ANKRD35: variants seen among roughly 807,000 people sequenced by gnomAD.
ANKRD35 encodes the protein ankyrin repeat domain-containing protein 35.
Under a neutral mutation model 109.9 loss-of-function variants are expected in ANKRD35, and 102 were observed. The ratio of observed to expected loss-of-function variants is 0.93; its 90% confidence interval spans 0.79 to 1.09. The LOEUF is 1.09. ANKRD35 is among the 50% of genes least tolerant of loss of function. The pLI is 0.00. For synonymous variants in ANKRD35, 515 were observed against 512.4 expected (o/e 1.01, Z -0.07); for missense variants, 1,240 against 1,230.1 (o/e 1.01, Z -0.12).
At position 145,881,690 on chromosome 1, in the gene ANKRD35, G is replaced by A. The variant is rs922925653; in HGVS notation, c.40-2302C>T. ...CTTGACTCTAACACTGTCTGCCTCT[G>A]TGAATTTAGGCATGTAACAACATCT... On this transcript the variant is annotated intron_variant, in intron 1 of 13. Coordinates refer to ENST00000355594, the MANE Select transcript of ANKRD35 (RefSeq NM_144698.5). Among the ~76,000 whole-genome samples the A allele has an allele frequency of 3.9e-5, 6 of 152,266 alleles. No homozygotes were observed. In the East Asian group the frequency reaches 9.7e-4, roughly 24 times the overall value.
chr1:145,876,743 T>C, intron 5 of ANKRD35, 73 bp downstream of exon 5: 2 of 1,611,032 alleles, frequency 1.2e-6, no homozygotes, highest in Non-Finnish European at 1.7e-6. Context: ...CTGGCTGCCC[T>C]TCCCTCCTCA....
intron 10 of ANKRD35, among the ~76,000 whole-genome samples, chr1:145,870,616 T>C (rs1553738426): frequency 6.6e-6 from 1 of 152,222 alleles, no homozygotes; most frequent in East Asian, 1.9e-4. Flanking sequence ...AAAAATACTT[T>C]CTTTAATTAA....
intron 12 of ANKRD35, among the ~76,000 whole-genome samples, chr1:145,867,734 G>A (rs587594889): frequency 6.6e-5 from 10 of 152,226 alleles, no homozygotes; most frequent in African/African-American, 1.4e-4. Context: ...AGGAGACTGA[G>A]AAAGGGTATT....
chr1:145,884,092 G>A (rs1429309972), intron 1 of ANKRD35, among the ~76,000 whole-genome samples: 1 of 152,170 alleles, frequency 6.6e-6, no homozygotes, highest in Admixed American at 6.5e-5. Flanking sequence ...CCCAAGGATT[G>A]GGGGATCAGA....
chr1:145,875,104 G>T, intron 7 of ANKRD35, 98 bp from the exon 8 acceptor site: 1 of 1,263,740 alleles, frequency 7.9e-7, no homozygotes, highest in Non-Finnish European at 1.1e-6. Flanking sequence ...TCATTCAGTG[G>T]GGTCAGGAGA....
chr1:145,872,045 C>G lies in ANKRD35; in HGVS notation c.2724G>C (p.Thr908=), dbSNP rs139657330. Residue 908 remains threonine (T), a synonymous_variant, in exon 10 of 14, where the codon ACG becomes ACC. Coordinates refer to ENST00000355594, the MANE Select transcript of ANKRD35 (RefSeq NM_144698.5). ...CCATCTTCTCTTTCAGCAGCTCTGC[C>G]GTTTTCTCAAACTGCTCGGAGCGCC... The part of the protein sequence containing the change: ...MRGRSEQFEK[T]AELLKEKMEH... The G allele has an allele frequency of 1.3e-5, 21 of 1,613,550 alleles. No individual in the cohort carries two copies. The Admixed American group carries it at 2.0e-4, about 15-fold the overall frequency.
In ANKRD35 at chr1:145,877,967, C is replaced by T; in HGVS notation, c.324+1G>A. The T allele has an allele frequency of 1.2e-6, 2 of 1,613,922 alleles. No individual in the cohort carries two copies. The highest frequency in any genetic ancestry group is 4.5e-5 in the East Asian group (2 of 44,876). ...GAGTGGTATCAAGGGACTGCTCTTA[C>T]CTGAAGCAGAACCTTAACACACTGT... On this transcript the variant is annotated splice_donor_variant, in intron 4 of 13. Coordinates refer to ENST00000355594, the MANE Select transcript of ANKRD35 (RefSeq NM_144698.5). LOFTEE classifies it high-confidence loss of function.
At chr1:145,868,477 T>C (rs919524115) in intron 10 of ANKRD35, 77 bp from the exon 11 acceptor site, 67 of 1,262,884 alleles carry the variant, frequency 5.3e-5, no homozygotes, top group Admixed American at 1.3e-4. Flanking sequence ...AGCTTCCTTT[T>C]ACTGAGTATT....
Position 145,868,039 on chromosome 1 carries a change from A to G in ANKRD35, c.2895T>C (p.His965=), listed in dbSNP as rs1653670187. The G allele has an allele frequency of 6.2e-7, 1 of 1,614,002 alleles. No homozygotes were observed. The highest frequency in any genetic ancestry group is 1.3e-5 in the African/African-American group (1 of 74,904). The change falls in exon 12 of 14, where the codon CAT becomes CAC. Residue 965 remains histidine, a synonymous_variant. Coordinates refer to ENST00000355594, the MANE Select transcript of ANKRD35 (RefSeq NM_144698.5). ...TCCTGTAGGTGGAGATGATCTCTTC[A>G]TGGTTCTTCTGGGAATCCTGGGAAT... The part of the protein sequence containing the change: ...ALQLQDSQKN[H]EEIISTYRNH...
chr1:145,883,623 C>T (rs1380789674), intron 1 of ANKRD35, among the ~76,000 whole-genome samples: 1 of 152,158 alleles, frequency 6.6e-6, no homozygotes, highest in Non-Finnish European at 1.5e-5. Flanking sequence ...GGGCTCTGGC[C>T]CTGGACCCAA....
chr1:145,871,639 T>TA (rs781107099), intron 10 of ANKRD35, among the ~76,000 whole-genome samples: 2 of 152,182 alleles, frequency 1.3e-5, no homozygotes, highest in Admixed American at 6.5e-5. Context: ...ATCATGCTAT[T>TA]AGGCCTCTTC....
In ANKRD35 at chr1:145,876,265, G is replaced by A. The variant is rs1654069648; in HGVS notation, c.454-19C>T. On this transcript the variant is annotated intron_variant, in intron 6 of 13. Coordinates refer to ENST00000355594, the MANE Select transcript of ANKRD35 (RefSeq NM_144698.5). Reference sequence around the variant, plus strand: ...GTCCATCCTGCACAGATTGTAGGAAGAGGTTCATGAGCAGCCAGGGACTGC... The same window carrying A: ...GTCCATCCTGCACAGATTGTAGGAAAAGGTTCATGAGCAGCCAGGGACTGC... 2 of 1,601,210 alleles carry A rather than the reference G, an allele frequency of 1.2e-6. No homozygotes were observed. Among genetic ancestry groups the A allele is most frequent in the East Asian group, 2.2e-5 (1 of 44,558 alleles).
In ANKRD35 at chr1:145,874,163, C is replaced by A. The variant is rs41296196; in HGVS notation, c.775G>T (p.Ala259Ser). ...GQRLVQHPDLASQASPSEPQA... is the reference protein window; with the variant it reads ...GQRLVQHPDLSSQASPSEPQA... ...GGCACTTAGGGTCTTACCTGGGATG[C>A]GAGATCTGGGTGCTGGACTAGCCTC... Residue 259 changes from alanine to serine, a missense_variant, in exon 9 of 14, where the codon GCA (alanine) becomes TCA (serine). Transcript: ENST00000355594. 1 of 1,614,018 alleles carries A rather than the reference C, an allele frequency of 6.2e-7. No individual in the cohort carries two copies. The highest frequency in any genetic ancestry group is 8.5e-7 in the Non-Finnish European group (1 of 1,179,932).
At chr1:145,867,804 T>G (rs1653662602) in intron 12 of ANKRD35, among the ~76,000 whole-genome samples, 187 bp downstream of exon 12, 1 of 152,084 alleles carries the variant, frequency 6.6e-6, no homozygotes, top group Non-Finnish European at 1.5e-5. Flanking sequence ...GAAACACCTC[T>G]CCTTCTCACA....
chr1:145,876,129 G>C lies in ANKRD35; in HGVS notation c.560+11C>G, dbSNP rs1553740008. 2.5e-6 allele frequency: 4 copies of C among 1,612,454 alleles called. No individual in the cohort carries two copies. Among genetic ancestry groups the C allele is most frequent in the Non-Finnish European group, 2.5e-6 (3 of 1,179,118 alleles). ...CATGGGAATTGGGGTGCATAGACGA[G>C]GGGGGCTCACTTGTCATTCTTGTCT... On this transcript the variant is annotated intron_variant, in intron 7 of 13. Transcript: ENST00000355594.
chr1:145,876,290 C>T, intron 6 of ANKRD35, 44 bp from the exon 7 acceptor site: 1 of 1,567,678 alleles, frequency 6.4e-7, no homozygotes, highest in Non-Finnish European at 8.7e-7. Flanking sequence ...CCAGGGACTG[C>T]AGAGGCTTGA....
chr1:145,885,802 G>T lies in ANKRD35; in HGVS notation c.-44C>A. On this transcript the variant is annotated 5_prime_UTR_variant, in exon 1 of 14. Coordinates refer to ENST00000355594, the MANE Select transcript of ANKRD35 (RefSeq NM_144698.5). ...GGGGGATGGGGACGCGCAGAGAGCCGGGCCACAGGTTCCCGAACCCACCGG... is the reference window on the plus strand; with the variant it reads ...GGGGGATGGGGACGCGCAGAGAGCCTGGCCACAGGTTCCCGAACCCACCGG... 1 of 1,486,800 alleles carries T rather than the reference G, an allele frequency of 6.7e-7. No homozygotes were observed. The highest frequency in any genetic ancestry group is 9.4e-7 in the Non-Finnish European group (1 of 1,065,114). The allele number at this position is 1,486,800 out of a possible 1,614,324, so 92.1% of individuals were successfully genotyped here.
At chr1:145,868,520 T>A (rs782748960) in intron 10 of ANKRD35, 120 bp from the exon 11 acceptor site, 5 of 781,268 alleles carry the variant, frequency 6.4e-6, no homozygotes, top group Non-Finnish European at 1.0e-5. Flanking sequence ...AATTGTCTCA[T>A]TTAACACTCA....
rs782510292 is a variant in ANKRD35, at chr1:145,873,057, A to G, written c.1712T>C (p.Leu571Pro). ...VPSQESREGA[L>P]KAAPGSIKQD... The stretch of plus-strand genomic sequence containing the variant: ...TTTGATGCTCCCTGGGGCTGCCTTT[A>G]GGGCTCCCTCTCTGGACTCCTGGGA... Residue 571 changes from leucine to proline, a missense_variant, in exon 10 of 14, where the codon CTA becomes CCA. Leu to Pro is a moderately conservative substitution (Grantham distance 98, BLOSUM62 -3). Transcript: ENST00000355594. The G allele has an allele frequency of 5.6e-5, 91 of 1,611,192 alleles. No homozygotes were observed. The highest frequency in any genetic ancestry group is 5.0e-4 in the Admixed American group (30 of 59,584).
Sources: gnomAD v4.1 joint callset for allele counts (sites outside exome capture counted in the v4.1 genomes callset) on GRCh38, gnomAD v4.1.1 for gene constraint, MANE v1.5 for transcripts, NCBI Gene and HGNC (gene_info 2026-07-23, HGNC 2026-07-21) for gene names.